Variants in TBX2 observed in about 807,000 individuals in gnomAD.
TBX2 encodes the protein T-box transcription factor TBX2.
In TBX2, 19 loss-of-function variants were observed where a neutral mutation model predicts 48.4. The observed-to-expected ratio is 0.39, with a 90% CI of 0.27 to 0.58. TBX2 has a LOEUF of 0.58. Ranked by LOEUF, TBX2 falls within the 20% of genes least tolerant of loss-of-function variation. The pLI is 0.54. For missense variants in TBX2, 994 were observed against 1,006.5 expected (o/e 0.99, Z 0.17); for synonymous variants, 522 against 459.7 (o/e 1.14, Z -1.73).
chr17:61,404,943 G>C (rs1445534080), intron 5 of TBX2, 174 bp downstream of exon 5: 1 of 1,244,062 alleles, frequency 8.0e-7, no homozygotes, highest in Admixed American at 2.0e-5. Context: ...GTCCCCGGTA[G>C]CCAGAAGATC....
In TBX2 at chr17:61,403,020, C is replaced by T. The variant is rs755085057; in HGVS notation, c.664-41C>T. ...ACCCAAAGAATAGAAAAGCTCGGGCCGGGGCTGGTGGCTGCCGGCTGACCC... is the reference window on the plus strand; with the variant it reads ...ACCCAAAGAATAGAAAAGCTCGGGCTGGGGCTGGTGGCTGCCGGCTGACCC... On this transcript the variant is annotated intron_variant, in intron 2 of 6. Coordinates refer to ENST00000240328, the MANE Select transcript of TBX2 (RefSeq NM_005994.4). This position sits in a 1 kb window ranked among gnomAD's most constrained non-coding sequence, Gnocchi z 5.8. 6.9e-5 allele frequency: 108 copies of T among 1,573,302 alleles called. No homozygotes were observed. Among genetic ancestry groups the T allele is most frequent in the Non-Finnish European group, 8.8e-5 (103 of 1,165,472 alleles).
chr17:61,402,724 TG>T (rs1326954512), intron 2 of TBX2, among the ~76,000 whole-genome samples: 4 of 152,002 alleles, frequency 2.6e-5, no homozygotes, highest in Admixed American at 6.6e-5. Flanking sequence ...GGGGAGGGGT[TG>T]TTTTTTGGTT....
rs1261691663 is a variant in TBX2 at position 61,400,142 on chromosome 17, G to GCCCCGT, written c.-30_-29insTCCCCG. On this transcript the variant is annotated 5_prime_UTR_variant, in exon 1 of 7. Transcript: ENST00000240328. The surrounding 1 kb of genome is among the most constrained non-coding windows in gnomAD (Gnocchi z 9.2). ...TCCGAGCCGCGCGCCCCCGGCCCCG[G>GCCCCGT]CCCCGGCCCCCGGGCGCCTGGGCCG... The GCCCCGT allele has an allele frequency of 1.1e-5, 11 of 988,396 alleles. No individual in the cohort carries two copies. Among genetic ancestry groups the GCCCCGT allele is most frequent in the African/African-American group, 1.8e-5 (1 of 56,792 alleles). 61.2% of individuals were successfully genotyped at this position (988,396 alleles called of 1,614,324 possible). A position where few individuals can be genotyped will look rare whatever the true frequency, so the allele number is the denominator to read the frequency against.
At position 61,400,000 on chromosome 17, in the gene TBX2, C is replaced by G. The variant is rs1199038791; in HGVS notation, c.-177C>G. The G allele has an allele frequency of 1.1e-5, 2 of 184,042 alleles. No homozygotes were observed. Among genetic ancestry groups the G allele is most frequent in the Non-Finnish European group, 2.0e-5 (2 of 97,838 alleles). The allele number at this position is 184,042 out of a possible 1,614,324, so 11.4% of individuals were successfully genotyped here. The stretch of plus-strand genomic sequence containing the variant: ...CCCCGCGCAGAGCCCCCGCCGCCCC[C>G]GCGCACAGAGCCGGGTGCCCCTTGC... On this transcript the variant is annotated 5_prime_UTR_variant, in exon 1 of 7. Coordinates refer to ENST00000240328, the MANE Select transcript of TBX2 (RefSeq NM_005994.4). This position sits in a 1 kb window ranked among gnomAD's most constrained non-coding sequence, Gnocchi z 4.7.
At chr17:61,401,575 C>T (rs2060263794) in intron 1 of TBX2, 109 bp from the exon 2 acceptor site, 2 of 1,424,206 alleles carry the variant, frequency 1.4e-6, no homozygotes, top group Non-Finnish European at 1.9e-6. Context: ...GGGAAACAGC[C>T]AGGCGGCAGC....
Position 61,401,678 on chromosome 17 carries a change from T to C in TBX2, c.396-6T>C. ...AATGGGATCTCCTCCCTTCCCTCCC[T>C]CCCAGGCGGATGTTCCCCCCCTTCA... On this transcript the variant is annotated splice_polypyrimidine_tract_variant and splice_region_variant and intron_variant, in intron 1 of 6. Transcript: ENST00000240328. 1 of 1,610,056 alleles carries C rather than the reference T, an allele frequency of 6.2e-7. No individual in the cohort carries two copies. Among genetic ancestry groups the C allele is most frequent in the South Asian group, 1.1e-5 (1 of 90,796 alleles).
chr17:61,405,163 C>G, intron 5 of TBX2, 39 bp from the exon 6 acceptor site: 1 of 1,462,004 alleles, frequency 6.8e-7, no homozygotes, highest in Non-Finnish European at 9.0e-7. Flanking sequence ...CGTCGGCCTC[C>G]GCCCAGGCCC....
Position 61,400,245 on chromosome 17 carries a change from C to G in TBX2, c.69C>G (p.Asp23Glu). ...CGTTCCACGCGCCACGGCCCGCCGA[C>G]TTCCCCATGTCCGCCTTTCTGGCGG... ...YHPFHAPRPA[D>E]FPMSAFLAAA... is the part of the protein sequence containing the mutation. The change falls in exon 1 of 7, where the codon GAC becomes GAG. Residue 23 changes from aspartate to glutamate, a missense_variant. Transcript: ENST00000240328. This position sits in a 1 kb window ranked among gnomAD's most constrained non-coding sequence, Gnocchi z 9.2. 8.2e-7 allele frequency: 1 copy of G among 1,218,142 alleles called. No homozygotes were observed. Among genetic ancestry groups the G allele is most frequent in the Non-Finnish European group, 1.0e-6 (1 of 953,892 alleles). The allele number at this position is 1,218,142 out of a possible 1,614,324, so 75.5% of individuals were successfully genotyped here.
In TBX2 at chr17:61,404,450, G is replaced by T. The variant is rs2060278784; in HGVS notation, c.840G>T (p.Pro280=). 2 of 1,611,876 alleles carry T rather than the reference G, an allele frequency of 1.2e-6. No individual in the cohort carries two copies. The highest frequency in any genetic ancestry group is 1.3e-5 in the African/African-American group (1 of 74,912). The change falls in exon 4 of 7, where the codon CCG becomes CCT. Residue 280 remains proline, a synonymous_variant. Coordinates refer to ENST00000240328, the MANE Select transcript of TBX2 (RefSeq NM_005994.4). The part of the protein sequence containing the change: ...KITQLKIDNN[P]FAKGFRDTGN... ...CACAGCTGAAGATCGACAACAACCC[G>T]TTTGCCAAGGGCTTCCGGGACACCG...
In TBX2 at chr17:61,406,365, G is replaced by A. The variant is rs547455300; in HGVS notation, c.1686+529G>A. 3.3e-5 allele frequency: 5 copies of A among 152,434 alleles called. No individual in the cohort carries two copies. The highest frequency in any genetic ancestry group is 2.1e-4 in the South Asian group (1 of 4,820). The allele number at this position is 152,434 out of a possible 1,614,324, so 9.4% of individuals were successfully genotyped here. ...CTCTGGCCCCTCCCAGGCCTTCTACGAAGTCCTCTGTCCTGGTGAAGGACA... is the reference window on the plus strand; with the variant it reads ...CTCTGGCCCCTCCCAGGCCTTCTACAAAGTCCTCTGTCCTGGTGAAGGACA... On this transcript the variant is annotated intron_variant, in intron 6 of 6. Transcript: ENST00000240328. The surrounding 1 kb of genome is among the most constrained non-coding windows in gnomAD (Gnocchi z 5.7).
chr17:61,404,388 C>T (rs1481330431), intron 3 of TBX2, 33 bp from the exon 4 acceptor site: 8 of 1,576,328 alleles, frequency 5.1e-6, no homozygotes, highest in South Asian at 4.7e-5. Context: ...AGAGCCACGG[C>T]CTGACTTAGC....
chr17:61,405,536 C>G lies in TBX2; in HGVS notation c.1386C>G (p.Ala462=), dbSNP rs527685395. ...VQTDSASPLG[A]GHLPGLAFSS... ...CAGACAGTGCGTCCCCCCTGGGCGCCGGACACCTGCCCGGCCTGGCCTTTT... is the reference window on the plus strand; with the variant it reads ...CAGACAGTGCGTCCCCCCTGGGCGCGGGACACCTGCCCGGCCTGGCCTTTT... Residue 462 remains alanine, a synonymous_variant, in exon 6 of 7, where the codon GCC becomes GCG. Transcript: ENST00000240328. 1.3e-6 allele frequency: 2 copies of G among 1,591,928 alleles called. No individual in the cohort carries two copies. Among genetic ancestry groups the G allele is most frequent in the Non-Finnish European group, 1.7e-6 (2 of 1,172,748 alleles).
chr17:61,405,317 C>T lies in TBX2; in HGVS notation c.1167C>T (p.Arg389=). 1 of 1,550,208 alleles carries T rather than the reference C, an allele frequency of 6.5e-7. No homozygotes were observed. The highest frequency in any genetic ancestry group is 8.7e-7 in the Non-Finnish European group (1 of 1,155,074). The change falls in exon 6 of 7, where the codon CGC becomes CGT. Residue 389 remains arginine, a synonymous_variant. Coordinates refer to ENST00000240328, the MANE Select transcript of TBX2 (RefSeq NM_005994.4). ...CTCCAGACAGCGCCAGCCCCACTCG[C>T]TTGACCGAACCCGAGCGCGCCCGGG... ...SPAPDSASPT[R]LTEPERARER...
Position 61,400,401 on chromosome 17 carries a change from G to T in TBX2, c.225G>T (p.Leu75=), listed in dbSNP as rs1366585436. 6.8e-7 allele frequency: 1 copy of T among 1,466,472 alleles called. No individual in the cohort carries two copies. Among genetic ancestry groups the T allele is most frequent in the Admixed American group, 2.1e-5 (1 of 47,282 alleles). The allele number at this position is 1,466,472 out of a possible 1,614,324, so 90.8% of individuals were successfully genotyped here. Reference sequence around the variant, plus strand: ...CGGCAGCAGCGGCCGAGGCGGGGCTGCACGTCTCGGCACTGGGCCCGCACC... The same window carrying T: ...CGGCAGCAGCGGCCGAGGCGGGGCTTCACGTCTCGGCACTGGGCCCGCACC... ...AAAAAAAEAG[L]HVSALGPHPP... The change falls in exon 1 of 7, where the codon CTG becomes CTT. Residue 75 remains leucine (L), a synonymous_variant. Transcript: ENST00000240328. The surrounding 1 kb of genome is among the most constrained non-coding windows in gnomAD (Gnocchi z 9.2).
In TBX2 at chr17:61,405,134, G is replaced by T. The variant is rs554102126; in HGVS notation, c.1052-68G>T. ...GGCCTCCCCGAGAGCAGCCCTTCCC[G>T]AGTGTCCCTGATCCTGCTCGTCGGC... On this transcript the variant is annotated intron_variant, in intron 5 of 6. Coordinates refer to ENST00000240328, the MANE Select transcript of TBX2 (RefSeq NM_005994.4). 18 of 1,483,152 alleles carry T rather than the reference G, an allele frequency of 1.2e-5. No individual in the cohort carries two copies. In the South Asian group the frequency reaches 1.6e-4, roughly 13 times the overall value. 91.9% of individuals were successfully genotyped at this position (1,483,152 alleles called of 1,614,324 possible).
At position 61,403,704 on chromosome 17, in the gene TBX2, G is replaced by A. The variant is rs1167836531; in HGVS notation, c.810+497G>A. 6.6e-6 allele frequency among the ~76,000 whole-genome samples: 1 copy of A among 151,918 alleles called. No individual in the cohort carries two copies. The highest frequency in any genetic ancestry group is 1.5e-5 in the Non-Finnish European group (1 of 67,990). ...TGGCTACTGCTCTGGGTCAGTCTAG[G>A]CCCCAGACCCCTTGGGAGGCGCTTA... On this transcript the variant is annotated intron_variant, in intron 3 of 6. Transcript: ENST00000240328. This position sits in a 1 kb window ranked among gnomAD's most constrained non-coding sequence, Gnocchi z 5.8.
At chr17:61,404,575 C>G (rs756762349) in intron 4 of TBX2, 31 bp from the exon 5 acceptor site, 20 of 1,592,726 alleles carry the variant, frequency 1.3e-5, no homozygotes, top group Non-Finnish European at 1.6e-5. Flanking sequence ...GATGGGCTCC[C>G]CGCTGACCTG....
In TBX2 at chr17:61,403,230, T is replaced by G; in HGVS notation, c.810+23T>G. The G allele has an allele frequency of 6.2e-7, 1 of 1,610,014 alleles. No homozygotes were observed. Among genetic ancestry groups the G allele is most frequent in the East Asian group, 2.2e-5 (1 of 44,816 alleles). On this transcript the variant is annotated intron_variant, in intron 3 of 6. Transcript: ENST00000240328. The surrounding 1 kb of genome is among the most constrained non-coding windows in gnomAD (Gnocchi z 5.8). ...AAGGTGCGCGCGGCGGGCGGTGGGC[T>G]AAGCCCCTGCACTGACGCCCCTCAA...
At chr17:61,407,936 A>G in intron 6 of TBX2, 118 bp from the exon 7 acceptor site, 1 of 1,303,688 alleles carries the variant, frequency 7.7e-7, no homozygotes, top group Non-Finnish European at 1.0e-6. Context: ...AGTTATGCGA[A>G]TTGTGGTTTT....
Sources: gnomAD v4.1 joint callset for allele counts (sites outside exome capture counted in the v4.1 genomes callset) on GRCh38, gnomAD v4.1.1 for gene constraint, Gnocchi (gnomAD v3.1) non-coding constraint, MANE v1.5 for transcripts, NCBI Gene and HGNC (gene_info 2026-07-23, HGNC 2026-07-21) for gene names.